DUSP19: variants seen among roughly 807,000 people sequenced by gnomAD.
The protein encoded by DUSP19 is dual specificity phosphatase 19.
In DUSP19, 14 loss-of-function variants were observed where a neutral mutation model predicts 16.6. The ratio of observed to expected loss-of-function variants is 0.84; its 90% CI spans 0.56 to 1.32. The LOEUF (loss-of-function observed/expected upper bound fraction) is 1.32. DUSP19 is among the 40% of genes most tolerant of loss of function. The pLI, the probability that DUSP19 is intolerant of heterozygous loss-of-function variation, is 0.00. For synonymous variants in DUSP19, 81 were observed against 90.5 expected (o/e 0.90, Z 0.59); for missense variants, 258 against 255.9 (o/e 1.01, Z -0.06).
At chr2:183,083,702 T>TATTAGTAGTAA (rs1699624171) in intron 2 of DUSP19, 148 bp downstream of exon 2, 1 of 582,582 alleles carries the variant, frequency 1.7e-6, no homozygotes, top group Non-Finnish European at 2.9e-6. Context: ...GAAAAATAAT[T>TATTAGTAGTAA]GGCACATAAT....
At chr2:183,082,764 TTCTTTCTC>T (rs1699608558) in intron 1 of DUSP19, among the ~76,000 whole-genome samples, 1 of 151,956 alleles carries the variant, frequency 6.6e-6, no homozygotes, top group Non-Finnish European at 1.5e-5. Context: ...ACCACATTTC[TTCTTTCTC>T]TCTTTCTCTC....
intron 1 of DUSP19, among the ~76,000 whole-genome samples, chr2:183,082,357 T>C (rs1191958053): frequency 2.0e-5 from 3 of 151,686 alleles, no homozygotes; most frequent in East Asian, 1.9e-4. Flanking sequence ...TTTGTTGTTA[T>C]AAAAATGGAT....
At chr2:183,088,684 A>G (rs921405430) in intron 3 of DUSP19, among the ~76,000 whole-genome samples, 2 of 151,924 alleles carry the variant, frequency 1.3e-5, no homozygotes, top group African/African-American at 4.8e-5. Context: ...CAGCCTCCCA[A>G]AGTGCTAGGA....
intron 1 of DUSP19, among the ~76,000 whole-genome samples, chr2:183,082,118 C>T (rs748172986): frequency 1.3e-5 from 2 of 152,192 alleles, no homozygotes; most frequent in Non-Finnish European, 2.9e-5. Context: ...ATCCTGCAGA[C>T]CAACAGCATT....
In DUSP19 at chr2:183,079,057, G is replaced by A. The variant is rs1330347751; in HGVS notation, c.124G>A (p.Val42Ile). Residue 42 changes from valine (V) to isoleucine (I), a missense_variant, in exon 1 of 4, where the codon GTT (valine) becomes ATT (isoleucine). Transcript: ENST00000354221. Reference sequence around the variant, plus strand: ...AACATGGAAAGATGCCAGAATTCATGTTGTGGAAGAAGTAGAGCCGAGCAG... The same window carrying A: ...AACATGGAAAGATGCCAGAATTCATATTGTGGAAGAAGTAGAGCCGAGCAG... The part of the protein sequence containing the change: ...IETWKDARIH[V>I]VEEVEPSSGG... 5 of 1,614,072 alleles carry A rather than the reference G, an allele frequency of 3.1e-6. No homozygotes were observed. The highest frequency in any genetic ancestry group is 2.2e-5 in the East Asian group (1 of 44,904).
Position 183,096,752 on chromosome 2 carries a change from T to C in DUSP19, c.*1094T>C, listed in dbSNP as rs528471932. On this transcript the variant is annotated 3_prime_UTR_variant, in exon 4 of 4. Transcript: ENST00000354221. ...TGTTTGATACTGCAAGATCATTGTT[T>C]AGTGGTCTGTTTTCTACTTCAGTAT... is the stretch of plus-strand genomic sequence containing the variant. 6.6e-6 allele frequency: 1 copy of C among 152,452 alleles called. No homozygotes were observed. Among genetic ancestry groups the C allele is most frequent in the South Asian group, 2.1e-4 (1 of 4,828 alleles). The allele number at this position is 152,452 out of a possible 1,614,324, so 9.4% of individuals were successfully genotyped here.
chr2:183,090,872 C>A (rs1699723307), intron 3 of DUSP19, among the ~76,000 whole-genome samples: 1 of 152,214 alleles, frequency 6.6e-6, no homozygotes, highest in Non-Finnish European at 1.5e-5. Flanking sequence ...CCGGCTGAGG[C>A]CAGCAGGCCT....
rs1232545046 is a variant in DUSP19, at chr2:183,098,543, A to T, written c.*2885A>T. On this transcript the variant is annotated 3_prime_UTR_variant, in exon 4 of 4. Coordinates refer to ENST00000354221, the MANE Select transcript of DUSP19 (RefSeq NM_080876.4). ...AACTTAAAAGATACATACACCAAATATAGGTCTGTTTTAAAGGAGAGGAAA... is the reference window on the plus strand; with the variant it reads ...AACTTAAAAGATACATACACCAAATTTAGGTCTGTTTTAAAGGAGAGGAAA... 2.0e-5 allele frequency: 3 copies of T among 152,230 alleles called. No individual in the cohort carries two copies. The highest frequency in any genetic ancestry group is 2.9e-5 in the Non-Finnish European group (2 of 68,030). The allele number at this position is 152,230 out of a possible 1,614,324, so 9.4% of individuals were successfully genotyped here.
At chr2:183,089,869 A>G (rs1699710746) in intron 3 of DUSP19, among the ~76,000 whole-genome samples, 1 of 152,172 alleles carries the variant, frequency 6.6e-6, no homozygotes, top group African/African-American at 2.4e-5. Context: ...CACCTCCTGC[A>G]CTCAAGTGAT....
At chr2:183,087,780 T>C (rs1203442862) in intron 3 of DUSP19, among the ~76,000 whole-genome samples, 1 of 152,192 alleles carries the variant, frequency 6.6e-6, no homozygotes, top group Non-Finnish European at 1.5e-5. Flanking sequence ...TAGAAGCATT[T>C]ACAGAGAGAA....
intron 2 of DUSP19, among the ~76,000 whole-genome samples, chr2:183,086,000 T>C (rs367655186): frequency 5.2e-4 from 79 of 151,766 alleles, no homozygotes; most frequent in African/African-American, 1.8e-3. Flanking sequence ...CTTAATGGAC[T>C]GTCTGCCTGG....
At chr2:183,095,401 G>C in intron 3 of DUSP19, 30 bp from the exon 4 acceptor site, 4 of 1,550,546 alleles carry the variant, frequency 2.6e-6, no homozygotes, top group Non-Finnish European at 3.5e-6. Flanking sequence ...AATGAATAAT[G>C]AAGATTTTTG....
intron 3 of DUSP19, among the ~76,000 whole-genome samples, chr2:183,094,482 A>G (rs1169726458): frequency 3.9e-5 from 6 of 152,292 alleles, no homozygotes; most frequent in Admixed American, 1.3e-4. Flanking sequence ...CATTTCATTT[A>G]GATCATTAAC....
At chr2:183,086,997 T>C in intron 2 of DUSP19, 43 bp from the exon 3 acceptor site, 1 of 1,579,926 alleles carries the variant, frequency 6.3e-7, no homozygotes, top group East Asian at 2.2e-5. Flanking sequence ...GGTAACCTAA[T>C]TCATGGGATT....
intron 1 of DUSP19, among the ~76,000 whole-genome samples, chr2:183,081,046 A>C (rs527725502): frequency 3.5e-4 from 53 of 152,310 alleles, no homozygotes; most frequent in South Asian, 1.0e-3. Flanking sequence ...TCGCATGCCA[A>C]ACAACTTTTG....
At position 183,099,437 on chromosome 2, in the gene DUSP19, C is replaced by G. The variant is rs1321095790; in HGVS notation, c.*3779C>G. Reference sequence around the variant, plus strand: ...AAGACTTTGAAGTTGTATATTCTTGCAATGCATAAAATGACATTATAATCA... The same window carrying G: ...AAGACTTTGAAGTTGTATATTCTTGGAATGCATAAAATGACATTATAATCA... On this transcript the variant is annotated 3_prime_UTR_variant, in exon 4 of 4. Transcript: ENST00000354221. 1 of 152,084 alleles carries G rather than the reference C, an allele frequency of 6.6e-6. No homozygotes were observed. The highest frequency in any genetic ancestry group is 1.5e-5 in the Non-Finnish European group (1 of 67,996). 9.4% of individuals were successfully genotyped at this position (152,084 alleles called of 1,614,324 possible). A position where few individuals can be genotyped will look rare whatever the true frequency, so the allele number is the denominator to read the frequency against.
chr2:183,091,218 A>T (rs748600511), intron 3 of DUSP19, among the ~76,000 whole-genome samples: 2 of 152,156 alleles, frequency 1.3e-5, no homozygotes, highest in Non-Finnish European at 2.9e-5. Context: ...TATGGGTCTA[A>T]ATAAGTACCT....
chr2:183,087,119 T>C lies in DUSP19; in HGVS notation c.353T>C (p.Leu118Ser). Residue 118 changes from leucine (L) to serine (S), a missense_variant, in exon 3 of 4, where the codon TTG becomes TCG. Coordinates refer to ENST00000354221, the MANE Select transcript of DUSP19 (RefSeq NM_080876.4). Reference sequence around the variant, plus strand: ...TTTACATATAAGAGCATTTCTATATTGGATCTGCCTGAAACCAACATCCTG... The same window carrying C: ...TTTACATATAAGAGCATTTCTATATCGGATCTGCCTGAAACCAACATCCTG... ...SDFTYKSISI[L>S]DLPETNILSY... 4 of 1,613,496 alleles carry C rather than the reference T, an allele frequency of 2.5e-6. No homozygotes were observed. Among genetic ancestry groups the C allele is most frequent in the Non-Finnish European group, 3.4e-6 (4 of 1,179,874 alleles).
At chr2:183,091,360 A>G (rs1699730223) in intron 3 of DUSP19, among the ~76,000 whole-genome samples, 1 of 152,146 alleles carries the variant, frequency 6.6e-6, no homozygotes, top group Non-Finnish European at 1.5e-5. Context: ...GAAGCAACAA[A>G]AGAGCAAAAG....
Sources: allele counts gnomAD v4.1 joint callset (sites outside exome capture counted in the v4.1 genomes callset), GRCh38; gene constraint gnomAD v4.1.1; transcripts MANE v1.5; gene names NCBI Gene and HGNC (gene_info 2026-07-23, HGNC 2026-07-21).